PRR16: variants seen among roughly 807,000 people sequenced by gnomAD.
PRR16 encodes proline rich 16.
Under a neutral mutation model 18.2 loss-of-function variants are expected in PRR16, and 6 were observed. That is an observed-to-expected ratio of 0.33 (90% CI 0.18 to 0.65). The LOEUF (loss-of-function observed/expected upper bound fraction) is 0.65. Among genes scored for constraint, PRR16 ranks in the 30% least tolerant of loss-of-function variants. PRR16 has a pLI of 0.74. For synonymous variants in PRR16, 151 were observed against 147.8 expected (o/e 1.02, Z -0.16); for missense variants, 412 against 376.6 (o/e 1.09, Z -0.78).
At chr5:120,757,767 TA>T in the PRR16 span, among the ~76,000 whole-genome samples, 3 of 152,044 alleles carry the variant, frequency 2.0e-5, no homozygotes, top group African/African-American at 7.2e-5. Context: ...TAATGGCAAA[TA>T]TAAATCTCTT....
At chr5:120,740,831 CTTTAT>C in the PRR16 span, among the ~76,000 whole-genome samples, 1 of 151,860 alleles carries the variant, frequency 6.6e-6, no homozygotes, top group South Asian at 2.1e-4. Flanking sequence ...ATTTATTTTG[CTTTAT>C]TTTTATTTTT....
At chr5:120,622,109 G>A (rs190167041) in intron 1 of PRR16, among the ~76,000 whole-genome samples, 22 of 152,120 alleles carry the variant, frequency 1.4e-4, no homozygotes, top group Admixed American at 1.3e-3. Context: ...TTTTTCCATG[G>A]CACTTATCAC....
At chr5:120,552,644 T>C (rs998827506) in intron 1 of PRR16, among the ~76,000 whole-genome samples, 1 of 151,986 alleles carries the variant, frequency 6.6e-6, no homozygotes, top group Non-Finnish European at 1.5e-5. Context: ...GTATTTTTCA[T>C]ATATAAACTA....
chr5:120,465,255 T>C (rs549476248), intron 1 of PRR16, among the ~76,000 whole-genome samples: 1 of 152,308 alleles, frequency 6.6e-6, no homozygotes, highest in African/African-American at 2.4e-5. Context: ...TCTCAGTTTC[T>C]GAAGCATCCC....
intron 1 of PRR16, among the ~76,000 whole-genome samples, chr5:120,666,932 T>C: frequency 2.8e-5 from 4 of 145,058 alleles, no homozygotes; most frequent in Non-Finnish European, 4.5e-5. Context: ...TTTTTGGTTG[T>C]GTCTCTGCCC....
At chr5:120,560,832 A>G (rs1202852243) in intron 1 of PRR16, among the ~76,000 whole-genome samples, 1 of 151,780 alleles carries the variant, frequency 6.6e-6, no homozygotes, top group Non-Finnish European at 1.5e-5. Context: ...CAGGTTATGG[A>G]TTTCTTACTG....
At chr5:120,779,478 C>T in the PRR16 span, among the ~76,000 whole-genome samples, 4 of 152,096 alleles carry the variant, frequency 2.6e-5, no homozygotes, top group African/African-American at 2.4e-5. Flanking sequence ...GATCAAGAAA[C>T]ATCCTAGAGA....
chr5:120,513,808 GA>G (rs1478411544), intron 1 of PRR16, among the ~76,000 whole-genome samples: 1 of 151,086 alleles, frequency 6.6e-6, no homozygotes, highest in African/African-American at 2.4e-5. Context: ...GCCCAGGCTG[GA>G]GTGCAATAGC....
the PRR16 span, among the ~76,000 whole-genome samples, chr5:120,774,733 T>C: frequency 1.3e-5 from 2 of 152,174 alleles, no homozygotes; most frequent in Non-Finnish European, 2.9e-5. Flanking sequence ...ACTAAACTTG[T>C]TCAACTCTAA....
chr5:120,760,763 G>A, the PRR16 span, among the ~76,000 whole-genome samples: 4 of 152,110 alleles, frequency 2.6e-5, no homozygotes, highest in African/African-American at 7.2e-5. Context: ...GAATTTAGTG[G>A]ATAAATTCCC....
the PRR16 span, among the ~76,000 whole-genome samples, chr5:120,746,124 CT>C: frequency 0.11 from 15,897 of 148,344 alleles, 1,048 homozygotes; most frequent in African/African-American, 0.19. Flanking sequence ...TTTCTAAAAG[CT>C]TTTTTTTTTC....
At chr5:120,652,588 A>G in intron 1 of PRR16, among the ~76,000 whole-genome samples, 1 of 152,034 alleles carries the variant, frequency 6.6e-6, no homozygotes, top group Non-Finnish European at 1.5e-5. Flanking sequence ...GTCTAACCAT[A>G]AGAAAAGTAT....
At chr5:120,493,558 A>G (rs963756242) in intron 1 of PRR16, among the ~76,000 whole-genome samples, 2 of 152,256 alleles carry the variant, frequency 1.3e-5, no homozygotes, top group African/African-American at 4.8e-5. Flanking sequence ...CTCCAGTGGT[A>G]ACATCTTGAA....
intron 1 of PRR16, among the ~76,000 whole-genome samples, chr5:120,669,909 G>T (rs1272312768): frequency 6.6e-6 from 1 of 151,882 alleles, no homozygotes; most frequent in Non-Finnish European, 1.5e-5. Context: ...ACTAATGATA[G>T]TATATTTATG....
the PRR16 span, among the ~76,000 whole-genome samples, chr5:120,775,339 A>T: frequency 6.6e-6 from 1 of 152,206 alleles, no homozygotes; most frequent in East Asian, 1.9e-4. Context: ...AGTCCAAGTC[A>T]CTAGACCAGA....
chr5:120,739,219 T>A, the PRR16 span, among the ~76,000 whole-genome samples: 1 of 152,168 alleles, frequency 6.6e-6, no homozygotes, highest in Non-Finnish European at 1.5e-5. Flanking sequence ...TTTAATAGGA[T>A]GCTTATATAA....
the PRR16 span, among the ~76,000 whole-genome samples, chr5:120,709,542 G>A: frequency 6.6e-6 from 1 of 151,524 alleles, no homozygotes; most frequent in Non-Finnish European, 1.5e-5. Flanking sequence ...ATTATTGTTA[G>A]CTATAGTCTT....
chr5:120,695,300 T>TATC, the PRR16 span, among the ~76,000 whole-genome samples: 4 of 152,198 alleles, frequency 2.6e-5, no homozygotes, highest in Admixed American at 6.5e-5. Context: ...TAAGTGGACT[T>TATC]ATCAGTTATT....
At chr5:120,755,639 C>T in the PRR16 span, among the ~76,000 whole-genome samples, 1 of 152,008 alleles carries the variant, frequency 6.6e-6, no homozygotes, top group Admixed American at 6.6e-5. Flanking sequence ...CTGTCGAGGA[C>T]CACCTAGGTT....
Sources: gnomAD v4.1 joint callset for allele counts (sites outside exome capture counted in the v4.1 genomes callset) on GRCh38, gnomAD v4.1.1 for gene constraint, MANE v1.5 for transcripts, NCBI Gene and HGNC (gene_info 2026-07-23, HGNC 2026-07-21) for gene names.